FLNC: variants seen among roughly 807,000 people sequenced by gnomAD.
The protein encoded by FLNC is filamin-C.
Under a neutral mutation model 254.3 loss-of-function variants are expected in FLNC, and 91 were observed. That is an observed-to-expected ratio of 0.36 (90% CI 0.30 to 0.43). The LOEUF is 0.43. Ranked by LOEUF, FLNC falls within the 20% of genes least tolerant of loss-of-function variation. FLNC has a pLI of 1.00. For missense variants in FLNC, 2,853 were observed against 3,802.6 expected, an observed-to-expected ratio of 0.75 and a Z score of 6.57; for synonymous variants, 1,430 against 1,577.2, an observed-to-expected ratio of 0.91 and a Z score of 2.21.
In FLNC at chr7:128,842,396, C is replaced by T. The variant is rs376635995; in HGVS notation, c.2265+22C>T. On this transcript the variant is annotated intron_variant, in intron 14 of 47. Coordinates refer to ENST00000325888, the MANE Select transcript of FLNC (RefSeq NM_001458.5). This position sits in a 1 kb window ranked among gnomAD's most constrained non-coding sequence, Gnocchi z 5.4. Reference sequence around the variant, plus strand: ...CCGGGTGCGTCCTCCCGGCCTGCCCCGTGCCCACCACCAGGGGTCCCTGAG... The same window carrying T: ...CCGGGTGCGTCCTCCCGGCCTGCCCTGTGCCCACCACCAGGGGTCCCTGAG... 1.4e-5 allele frequency: 22 copies of T among 1,613,230 alleles called. No homozygotes were observed. The highest frequency in any genetic ancestry group is 1.1e-4 in the East Asian group (5 of 44,866).
At chr7:128,852,456 G>T in intron 35 of FLNC, 135 bp from the exon 36 acceptor site, 1 of 982,626 alleles carries the variant, frequency 1.0e-6, no homozygotes, top group Non-Finnish European at 1.6e-6. Flanking sequence ...TCCAGGCCTT[G>T]GGCCTCCGTG....
Position 128,846,740 on chromosome 7 carries a change from C to A in FLNC, c.4128-5C>A. 1 of 1,613,600 alleles carries A rather than the reference C, an allele frequency of 6.2e-7. No homozygotes were observed. The highest frequency in any genetic ancestry group is 8.5e-7 in the Non-Finnish European group (1 of 1,179,822). On this transcript the variant is annotated splice_polypyrimidine_tract_variant and splice_region_variant and intron_variant, in intron 23 of 47. Transcript: ENST00000325888. ...TGAAGCTGATGGGGGGATGTTATCT[C>A]TCAGGGGAGCGGGCACCGGGGGCCT...
intron 26 of FLNC, 58 bp from the exon 27 acceptor site, chr7:128,848,502 AC>A: frequency 8.9e-6 from 14 of 1,571,624 alleles, no homozygotes; most frequent in South Asian, 1.1e-5. Flanking sequence ...AGATGAGATC[AC>A]CCCCCACCGC....
chr7:128,850,868 A>C lies in FLNC; in HGVS notation c.5464A>C (p.Ile1822Leu). Reference protein sequence around the residue: ...PNITDNKDGTITVRYAPTEKG... With the variant: ...PNITDNKDGTLTVRYAPTEKG... Reference sequence around the variant, plus strand: ...CATCACCGACAACAAGGACGGCACCATCACGGTGAGGTATGCACCCACTGA... The same window carrying C: ...CATCACCGACAACAAGGACGGCACCCTCACGGTGAGGTATGCACCCACTGA... The change falls in exon 33 of 48, where the codon ATC becomes CTC. Residue 1822 changes from isoleucine (I) to leucine (L), a missense_variant. Coordinates refer to ENST00000325888, the MANE Select transcript of FLNC (RefSeq NM_001458.5). The C allele has an allele frequency of 6.2e-7, 1 of 1,613,558 alleles. No individual in the cohort carries two copies. The highest frequency in any genetic ancestry group is 8.5e-7 in the Non-Finnish European group (1 of 1,179,974).
Position 128,841,242 on chromosome 7 carries a change from G to T in FLNC, c.1886G>T (p.Arg629Leu). 1 of 1,614,088 alleles carries T rather than the reference G, an allele frequency of 6.2e-7. No homozygotes were observed. The highest frequency in any genetic ancestry group is 8.5e-7 in the Non-Finnish European group (1 of 1,180,006). ...DDKGDGSCDV[R>L]YWPTEPGEYA... ...AAGGGGGATGGCTCCTGCGATGTGC[G>T]GTACTGGCCCACGGAGCCTGGGGAG... Residue 629 changes from arginine (R) to leucine (L), a missense_variant, in exon 12 of 48, where the codon CGG (arginine) becomes CTG (leucine). By Grantham distance (102) the Arg-to-Leu change is moderately radical. Coordinates refer to ENST00000325888, the MANE Select transcript of FLNC (RefSeq NM_001458.5). This position sits in a 1 kb window ranked among gnomAD's most constrained non-coding sequence, Gnocchi z 4.3.
intron 31 of FLNC, 127 bp from the exon 32 acceptor site, chr7:128,850,257 C>A: frequency 2.1e-6 from 2 of 972,228 alleles, no homozygotes. Flanking sequence ...GCTGACGCAC[C>A]TCTCCTGCCA....
Position 128,844,118 on chromosome 7 carries a change from T to A in FLNC, c.3044T>A (p.Leu1015Gln). ...SPSRRPIPCK[L>Q]EPGGGAEAQA... The stretch of plus-strand genomic sequence containing the variant: ...TCTCGCCGGCCCATCCCCTGCAAGC[T>A]GGAGCCAGGCGGTGGAGCGGAAGCC... The change falls in exon 20 of 48, where the codon CTG becomes CAG. Residue 1015 changes from leucine (L) to glutamine (Q), a missense_variant. Leu to Gln is a moderately radical substitution (Grantham distance 113). Transcript: ENST00000325888. 6.2e-7 allele frequency: 1 copy of A among 1,613,960 alleles called. No homozygotes were observed. The highest frequency in any genetic ancestry group is 8.5e-7 in the Non-Finnish European group (1 of 1,180,034).
rs757660941 is a variant in FLNC at position 128,848,546 on chromosome 7, C to T, written c.4581-15C>T. 8.7e-6 allele frequency: 14 copies of T among 1,613,516 alleles called. No individual in the cohort carries two copies. The Admixed American group carries it at 1.0e-4, about 12-fold the overall frequency. On this transcript the variant is annotated splice_polypyrimidine_tract_variant and intron_variant, in intron 26 of 47. Coordinates refer to ENST00000325888, the MANE Select transcript of FLNC (RefSeq NM_001458.5). ...ATGCCACCCAGCCAACTGTTTATCC[C>T]TTCTGCTCCTCAAGCCCCTTCAAGA...
chr7:128,856,773 C>G lies in FLNC; in HGVS notation c.7413C>G (p.His2471Gln). 1.2e-6 allele frequency: 2 copies of G among 1,614,208 alleles called. No individual in the cohort carries two copies. Among genetic ancestry groups the G allele is most frequent in the Non-Finnish European group, 1.7e-6 (2 of 1,180,028 alleles). ...SDKHTIRFIP[H>Q]ENGVHSIDVK... ...AGCACACCATCCGCTTCATCCCCCA[C>G]GAGAATGGCGTCCACTCCATCGATG... is the stretch of plus-strand genomic sequence containing the variant. The change falls in exon 45 of 48, where the codon CAC (histidine) becomes CAG (glutamine). Residue 2471 changes from histidine to glutamine, a missense_variant. Coordinates refer to ENST00000325888, the MANE Select transcript of FLNC (RefSeq NM_001458.5). This position sits in a 1 kb window ranked among gnomAD's most constrained non-coding sequence, Gnocchi z 5.9.
At position 128,835,598 on chromosome 7, in the gene FLNC, A is replaced by G. The variant is rs1341981175; in HGVS notation, c.601+24A>G. The stretch of plus-strand genomic sequence containing the variant: ...CGGTGAGTGGGCCAGTGAGCACAGC[A>G]TGGAGCCCTTAGCTCCCAAAGACAG... On this transcript the variant is annotated intron_variant, in intron 2 of 47. Coordinates refer to ENST00000325888, the MANE Select transcript of FLNC (RefSeq NM_001458.5). This position sits in a 1 kb window ranked among gnomAD's most constrained non-coding sequence, Gnocchi z 5.3. 1.2e-6 allele frequency: 2 copies of G among 1,611,420 alleles called. No individual in the cohort carries two copies. The highest frequency in any genetic ancestry group is 2.2e-5 in the East Asian group (1 of 44,870).
At chr7:128,852,156 G>A (rs1001455078) in intron 35 of FLNC, among the ~76,000 whole-genome samples, 6 of 152,268 alleles carry the variant, frequency 3.9e-5, no homozygotes, top group South Asian at 2.1e-4. Flanking sequence ...GAGCCACCAC[G>A]CCCAGCATGA....
At chr7:128,845,930 G>C in intron 21 of FLNC, 60 bp from the exon 22 acceptor site, 1 of 1,485,720 alleles carries the variant, frequency 6.7e-7, no homozygotes, top group South Asian at 1.1e-5. Context: ...GGAGAGGAGA[G>C]GGAGCATCTG....
intron 35 of FLNC, 36 bp downstream of exon 35, chr7:128,851,664 GCA>G (rs1420115869): frequency 8.7e-6 from 14 of 1,605,598 alleles, no homozygotes; most frequent in Admixed American, 1.7e-5. Context: ...AGCCCATGAG[GCA>G]CACACACCGC....
Position 128,853,618 on chromosome 7 carries a change from C to A in FLNC, c.6358C>A (p.Pro2120Thr), listed in dbSNP as rs758328562. The change falls in exon 38 of 48, where the codon CCT (proline) becomes ACT (threonine). Residue 2120 changes from proline (P) to threonine (T), a missense_variant. Coordinates refer to ENST00000325888, the MANE Select transcript of FLNC (RefSeq NM_001458.5). ...CATCAAGTTTGCTGACAAGCACGTGCCTGGTAAGGCTCTGGGCAGAGGTCG... is the reference window on the plus strand; with the variant it reads ...CATCAAGTTTGCTGACAAGCACGTGACTGGTAAGGCTCTGGGCAGAGGTCG... ...INIKFADKHV[P>T]GSPFTVKVTG... 2 of 1,614,128 alleles carry A rather than the reference C, an allele frequency of 1.2e-6. No homozygotes were observed. Among genetic ancestry groups the A allele is most frequent in the East Asian group, 4.5e-5 (2 of 44,882 alleles).
Position 128,838,757 on chromosome 7 carries a change from G to A in FLNC, c.1365G>A (p.Ala455=), listed in dbSNP as rs377345122. 8 of 1,612,976 alleles carry A rather than the reference G, an allele frequency of 5.0e-6. No homozygotes were observed. The highest frequency in any genetic ancestry group is 6.8e-6 in the Non-Finnish European group (8 of 1,179,992). Residue 455 remains alanine, a synonymous_variant, in exon 8 of 48, where the codon GCG becomes GCA. Coordinates refer to ENST00000325888, the MANE Select transcript of FLNC (RefSeq NM_001458.5). ...CACATACCGTGCATGTGGCCTTTGC[G>A]GGTGCCCCCATCACCCGCAGTCCCT... ...EGPHTVHVAF[A]GAPITRSPFP...
chr7:128,848,688 G>T lies in FLNC; in HGVS notation c.4708G>T (p.Gly1570Cys), dbSNP rs1562999563. ...GTTCACCATCGACGCACGGGACGCG[G>T]GCGAGGGGTTGCTCACTGTCCAGAT... ...VEFTIDARDA[G>C]EGLLTVQILD... Residue 1570 changes from glycine (G) to cysteine (C), a missense_variant, in exon 27 of 48, where the codon GGC becomes TGC. Coordinates refer to ENST00000325888, the MANE Select transcript of FLNC (RefSeq NM_001458.5). The T allele has an allele frequency of 1.2e-6, 2 of 1,613,414 alleles. No homozygotes were observed. Among genetic ancestry groups the T allele is most frequent in the Non-Finnish European group, 1.7e-6 (2 of 1,180,026 alleles).
intron 2 of FLNC, 120 bp from the exon 3 acceptor site, chr7:128,837,040 C>A: frequency 4.1e-6 from 3 of 740,440 alleles, no homozygotes; most frequent in South Asian, 1.6e-5. Context: ...CTGGTCAAGG[C>A]CTAGAGCTGG....
In FLNC at chr7:128,858,712, G is replaced by T. The variant is rs13308085; in HGVS notation, c.*189G>T. 553 of 618,698 alleles carry T rather than the reference G, an allele frequency of 8.9e-4. 1 individual carries two copies. Among genetic ancestry groups the T allele is most frequent in the African/African-American group, 4.4e-3 (243 of 54,658 alleles). 38.3% of individuals were successfully genotyped at this position (618,698 alleles called of 1,614,324 possible). ...CGCGCCCCAGGGGTTGGAGGACCTTGTCTGTGTCAGGACAGTGTCCCTCCC... is the reference window on the plus strand; with the variant it reads ...CGCGCCCCAGGGGTTGGAGGACCTTTTCTGTGTCAGGACAGTGTCCCTCCC... On this transcript the variant is annotated 3_prime_UTR_variant, in exon 48 of 48. Transcript: ENST00000325888. This position sits in a 1 kb window ranked among gnomAD's most constrained non-coding sequence, Gnocchi z 6.7.
In FLNC at chr7:128,850,873, G is replaced by A. The variant is rs550620019; in HGVS notation, c.5469G>A (p.Thr1823=). The change falls in exon 33 of 48, where the codon ACG becomes ACA. Residue 1823 remains threonine, a synonymous_variant. Coordinates refer to ENST00000325888, the MANE Select transcript of FLNC (RefSeq NM_001458.5). ...CCGACAACAAGGACGGCACCATCAC[G>A]GTGAGGTATGCACCCACTGAGAAAG... ...NITDNKDGTI[T]VRYAPTEKGL... 37 of 1,613,680 alleles carry A rather than the reference G, an allele frequency of 2.3e-5. 1 individual carries two copies. Among genetic ancestry groups the A allele is most frequent in the Middle Eastern group, 1.7e-4 (1 of 6,060 alleles).
Sources: allele counts gnomAD v4.1 joint callset (sites outside exome capture counted in the v4.1 genomes callset), GRCh38; gene constraint gnomAD v4.1.1; non-coding constraint Gnocchi (gnomAD v3.1); transcripts MANE v1.5; gene names NCBI Gene and HGNC (gene_info 2026-07-23, HGNC 2026-07-21).